Variants in NOXRED1 observed in about 807,000 individuals in gnomAD.
The protein encoded by NOXRED1 is NADP-dependent oxidoreductase domain-containing protein 1.
A neutral mutation model predicts 30.4 loss-of-function variants in NOXRED1; 20 were observed. The observed-to-expected ratio is 0.66, with a 90% confidence interval of 0.46 to 0.96. The LOEUF is 0.96. Among genes scored for constraint, NOXRED1 ranks in the 40% least tolerant of loss-of-function variants. NOXRED1 has a pLI of 0.00. For missense variants in NOXRED1, 374 were observed against 428.0 expected, an observed-to-expected ratio of 0.87 and a Z score of 1.11; for synonymous variants, 155 against 168.0, an observed-to-expected ratio of 0.92 and a Z score of 0.60.
At chr14:77,416,923 C>T (rs116427247) in intron 1 of NOXRED1, among the ~76,000 whole-genome samples, 4,484 of 152,266 alleles carry the variant, frequency 0.029, 214 homozygotes, top group African/African-American at 0.1. Flanking sequence ...TTATTTTTAA[C>T]GTAGGCATTT....
chr14:77,406,946 T>C (rs1178130059), intron 3 of NOXRED1, 71 bp from the exon 4 acceptor site: 1 of 1,405,374 alleles, frequency 7.1e-7, no homozygotes, highest in African/African-American at 1.4e-5. Flanking sequence ...CCACTGTGTT[T>C]ACATCCAACC....
At chr14:77,407,088 G>A (rs948287211) in intron 3 of NOXRED1, among the ~76,000 whole-genome samples, 4 of 152,210 alleles carry the variant, frequency 2.6e-5, no homozygotes, top group African/African-American at 4.8e-5. Context: ...TAGGCACTGG[G>A]CTAGAAACTA....
chr14:77,407,739 A>G, intron 2 of NOXRED1, 94 bp from the exon 3 acceptor site: 2 of 848,356 alleles, frequency 2.4e-6, no homozygotes, highest in East Asian at 2.5e-5. Context: ...ATTTTAGCTC[A>G]GTAAATCAAC....
chr14:77,395,144 C>T (rs188361141), intron 5 of NOXRED1, among the ~76,000 whole-genome samples: 2,854 of 137,674 alleles, frequency 0.021, 89 homozygotes, highest in African/African-American at 0.075. Flanking sequence ...CTTGCTCTGT[C>T]GCCCAGGCTG....
At chr14:77,395,406 G>A (rs1415253145) in intron 5 of NOXRED1, among the ~76,000 whole-genome samples, 1 of 151,930 alleles carries the variant, frequency 6.6e-6, no homozygotes, top group Non-Finnish European at 1.5e-5. Context: ...GCGCCCGGCT[G>A]CAGAATATTT....
chr14:77,410,403 G>C (rs1055697938), intron 2 of NOXRED1, among the ~76,000 whole-genome samples: 1 of 152,018 alleles, frequency 6.6e-6, no homozygotes, highest in East Asian at 1.9e-4. Flanking sequence ...CCAGGAGTTC[G>C]AGACCAGCCT....
chr14:77,397,449 A>G (rs993942675), intron 5 of NOXRED1, among the ~76,000 whole-genome samples: 1 of 152,244 alleles, frequency 6.6e-6, no homozygotes, highest in Non-Finnish European at 1.5e-5. Flanking sequence ...AACTGTATCA[A>G]TGTCAGTATC....
At chr14:77,408,778 G>A (rs1196320540) in intron 2 of NOXRED1, among the ~76,000 whole-genome samples, 8 of 151,320 alleles carry the variant, frequency 5.3e-5, no homozygotes, top group Non-Finnish European at 1.0e-4. Flanking sequence ...AGAAGGGTTT[G>A]CAAAGATTTA....
chr14:77,424,673 A>C (rs1383727808), upstream of NOXRED1, among the ~76,000 whole-genome samples: 1 of 152,230 alleles, frequency 6.6e-6, no homozygotes, highest in African/African-American at 2.4e-5. Flanking sequence ...TACAAGTTGT[A>C]CAGACATGAA....
chr14:77,406,851 G>T lies in NOXRED1; in HGVS notation c.555C>A (p.Thr185=). 6.2e-7 allele frequency: 1 copy of T among 1,613,980 alleles called. No homozygotes were observed. The highest frequency in any genetic ancestry group is 2.2e-5 in the East Asian group (1 of 44,870). Residue 185 remains threonine (T), a synonymous_variant, in exon 4 of 6, where the codon ACC becomes ACA. Coordinates refer to ENST00000380835, the MANE Select transcript of NOXRED1 (RefSeq NM_001113475.3). ...ACTGATACTGAGGCCGCAAGATATTGGTGTGGTTCAACAGTAGTTTCAGCC... is the reference window on the plus strand; with the variant it reads ...ACTGATACTGAGGCCGCAAGATATTTGTGTGGTTCAACAGTAGTTTCAGCC... The part of the protein sequence containing the change: ...LPRLKLLLNH[T]NILRPQYQYD...
chr14:77,416,415 T>C (rs1216925213), intron 1 of NOXRED1, among the ~76,000 whole-genome samples: 1 of 152,142 alleles, frequency 6.6e-6, no homozygotes, highest in African/African-American at 2.4e-5. Flanking sequence ...TTAAGGAGCA[T>C]GCTGCCTTCA....
chr14:77,420,848 T>A (rs1225013303), intron 1 of NOXRED1, among the ~76,000 whole-genome samples: 1 of 152,188 alleles, frequency 6.6e-6, no homozygotes, highest in Non-Finnish European at 1.5e-5. Flanking sequence ...TTTCCAGGAA[T>A]GTGTCTTCTC....
chr14:77,397,196 C>T (rs186803711), intron 5 of NOXRED1, among the ~76,000 whole-genome samples: 61 of 152,240 alleles, frequency 4.0e-4, no homozygotes, highest in African/African-American at 1.3e-3. Context: ...ACAGCCATGC[C>T]GTGGAATATT....
chr14:77,408,892 A>ATTTTTTTTTTTTTTTTATTTTTTTTTT (rs1894557573), intron 2 of NOXRED1, among the ~76,000 whole-genome samples: 2 of 68,154 alleles, frequency 2.9e-5, no homozygotes, highest in Admixed American at 2.9e-4. Flanking sequence ...CTGGTAGTTA[A>ATTTTTTTTTTTTTTTTATTTTTTTTTT]TTTTTTTTTT....
chr14:77,399,988 A>G (rs2139665782), intron 5 of NOXRED1, among the ~76,000 whole-genome samples: 1 of 152,288 alleles, frequency 6.6e-6, no homozygotes, highest in African/African-American at 2.4e-5. Flanking sequence ...GGGAAAAAAA[A>G]CACCATACCC....
intron 5 of NOXRED1, among the ~76,000 whole-genome samples, chr14:77,402,445 G>A (rs1458872822): frequency 3.9e-5 from 6 of 152,088 alleles, no homozygotes; most frequent in Non-Finnish European, 8.8e-5. Context: ...GACTAACATG[G>A]AGAAACCTCA....
intron 1 of NOXRED1, 41 bp downstream of exon 1, chr14:77,422,694 A>C (rs1459739016): frequency 6.3e-7 from 1 of 1,587,914 alleles, no homozygotes; most frequent in Non-Finnish European, 8.6e-7. Context: ...CTCAGCAGTG[A>C]GATTCTTGTC....
intron 1 of NOXRED1, among the ~76,000 whole-genome samples, chr14:77,418,361 T>C (rs1323310279): frequency 6.6e-6 from 1 of 152,002 alleles, no homozygotes; most frequent in Non-Finnish European, 1.5e-5. Flanking sequence ...GTCTCGAACT[T>C]CTGGAATCAA....
intron 1 of NOXRED1, among the ~76,000 whole-genome samples, chr14:77,422,321 C>T (rs147316): frequency 0.43 from 64,905 of 152,070 alleles, 16,623 homozygotes; most frequent in East Asian, 0.93. Context: ...TGTGAAGTCC[C>T]GGGTAGCTTC....
Sources: allele counts gnomAD v4.1 joint callset (sites outside exome capture counted in the v4.1 genomes callset), GRCh38; gene constraint gnomAD v4.1.1; transcripts MANE v1.5; gene names NCBI Gene and HGNC (gene_info 2026-07-23, HGNC 2026-07-21).